Variants in COX7A2 observed in about 807,000 individuals in gnomAD.
COX7A2 encodes cytochrome c oxidase subunit 7A2.
COX7A2 carries 11 observed loss-of-function variants against 11.6 expected under a neutral mutation model. The ratio of observed to expected loss-of-function variants is 0.95; its 90% CI spans 0.60 to 1.57. The LOEUF (loss-of-function observed/expected upper bound fraction) is 1.57. Among genes scored for constraint, COX7A2 ranks in the 40% most tolerant of loss-of-function variants. COX7A2 has a pLI of 0.00. For synonymous variants in COX7A2, 30 were observed against 38.2 expected, an observed-to-expected ratio of 0.78 and a Z score of 0.79; for missense variants, 106 against 100.9, an observed-to-expected ratio of 1.05 and a Z score of -0.22.
upstream of COX7A2, chr6:75,244,133 A>G: frequency 8.2e-6 from 2 of 244,600 alleles, no homozygotes; most frequent in South Asian, 1.0e-4. Context: ...GGCAACCTTG[A>G]AGCCGCTAGA....
upstream of COX7A2, chr6:75,243,869 C>T: frequency 6.3e-7 from 1 of 1,580,808 alleles, no homozygotes; most frequent in Non-Finnish European, 8.7e-7. Context: ...GAGAGGCTTG[C>T]GCTCCTAACC....
At chr6:75,240,956 C>G (rs1771483854) in intron 2 of COX7A2, 1 of 395,220 alleles carries the variant, frequency 2.5e-6, no homozygotes, top group African/African-American at 2.0e-5. Context: ...AAACAAAAAT[C>G]ACTCATAATC....
chr6:75,240,425 C>A (rs1461805835), intron 2 of COX7A2, 40 bp from the exon 3 acceptor site: 3 of 1,371,882 alleles, frequency 2.2e-6, no homozygotes, highest in Non-Finnish European at 3.0e-6. Context: ...TAATAAATGT[C>A]TCACTCATTT....
At chr6:75,243,807 T>C (rs767091024), upstream of COX7A2, 1 of 1,614,072 alleles carries the variant, frequency 6.2e-7, no homozygotes, top group South Asian at 1.1e-5. Flanking sequence ...GAACCGGAAC[T>C]ACCTCCGAGT....
At chr6:75,249,944 T>C (rs748804130) in intron 1 of COX7A2, 17 of 152,098 alleles carry the variant, frequency 1.1e-4, no homozygotes, top group Non-Finnish European at 1.9e-4. Context: ...AAGAGAGATG[T>C]AGATAAGGGG....
intron 2 of COX7A2, 124 bp downstream of exon 2, chr6:75,241,052 G>T: frequency 7.7e-7 from 1 of 1,293,664 alleles, no homozygotes; most frequent in Non-Finnish European, 1.0e-6. Context: ...ACATGTCCTT[G>T]ACTTTTTTTG....
At chr6:75,244,392 G>A (rs1254913886), upstream of COX7A2, among the ~76,000 whole-genome samples, 4 of 152,162 alleles carry the variant, frequency 2.6e-5, no homozygotes, top group African/African-American at 2.4e-5. Context: ...CCCAAATTGT[G>A]GAAGAGGCTC....
At chr6:75,238,111 G>C (rs1771371037) in intron 3 of COX7A2, 123 bp from the exon 4 acceptor site, 3 of 491,068 alleles carry the variant, frequency 6.1e-6, no homozygotes, top group Middle Eastern at 4.3e-4. Flanking sequence ...ACACAAAAAA[G>C]TATTTTGATA....
chr6:75,238,973 C>G (rs1771407504), intron 3 of COX7A2, among the ~76,000 whole-genome samples: 1 of 151,946 alleles, frequency 6.6e-6, no homozygotes, highest in Non-Finnish European at 1.5e-5. Context: ...TGCCATCACA[C>G]CCGACTCATT....
chr6:75,239,466 G>A (rs1267510294), intron 3 of COX7A2, among the ~76,000 whole-genome samples: 1 of 152,198 alleles, frequency 6.6e-6, no homozygotes, highest in Non-Finnish European at 1.5e-5. Flanking sequence ...ACATATTATA[G>A]ACTTCATGCA....
At chr6:75,246,559 A>G (rs1771685785), upstream of COX7A2, among the ~76,000 whole-genome samples, 1 of 152,194 alleles carries the variant, frequency 6.6e-6, no homozygotes, top group Non-Finnish European at 1.5e-5. Context: ...GCTGGATCAT[A>G]TGACTCTGCT....
In COX7A2 at chr6:75,243,797, G is replaced by T; in HGVS notation, c.-63C>A. The T allele has an allele frequency of 6.2e-7, 1 of 1,614,086 alleles. No homozygotes were observed. The highest frequency in any genetic ancestry group is 8.5e-7 in the Non-Finnish European group (1 of 1,179,980). On this transcript the variant is annotated 5_prime_UTR_variant, in exon 1 of 4. Transcript: ENST00000684430. ...ACCACCAACGAAAATGGCCACGCCGGAACCGGAACTACCTCCGAGTCTTGC... is the reference window on the plus strand; with the variant it reads ...ACCACCAACGAAAATGGCCACGCCGTAACCGGAACTACCTCCGAGTCTTGC...
upstream of COX7A2, among the ~76,000 whole-genome samples, chr6:75,244,581 T>TA (rs1385829816): frequency 6.6e-6 from 1 of 152,184 alleles, no homozygotes; most frequent in Non-Finnish European, 1.5e-5. Flanking sequence ...TAATCCCCAT[T>TA]ACAAGTGTTT....
chr6:75,247,358 T>C (rs1771702056), upstream of COX7A2, among the ~76,000 whole-genome samples: 1 of 152,198 alleles, frequency 6.6e-6, no homozygotes, highest in South Asian at 2.1e-4. Context: ...CACACATCTG[T>C]TAATTCTAGA....
intron 3 of COX7A2, among the ~76,000 whole-genome samples, chr6:75,239,835 C>T (rs1334246166): frequency 1.3e-5 from 2 of 152,236 alleles, no homozygotes; most frequent in Non-Finnish European, 2.9e-5. Flanking sequence ...GGCGCAGTGG[C>T]TCATGCCTGT....
intron 2 of COX7A2, chr6:75,240,805 A>G (rs192588065): frequency 3.6e-4 from 70 of 191,938 alleles, no homozygotes; most frequent in Non-Finnish European, 6.7e-4. Context: ...ATAACCCTAA[A>G]TTATATCCCT....
intron 3 of COX7A2, among the ~76,000 whole-genome samples, chr6:75,238,362 TA>T (rs199577413): frequency 1.0e-4 from 15 of 150,440 alleles, no homozygotes; most frequent in African/African-American, 3.4e-4. Flanking sequence ...AAAGTGAATG[TA>T]AAAAAAAAGA....
At position 75,237,963 on chromosome 6, in the gene COX7A2, C is replaced by G. The variant is rs1282456885; in HGVS notation, c.219G>C (p.Leu73=). 6.2e-7 allele frequency: 1 copy of G among 1,605,402 alleles called. No homozygotes were observed. The highest frequency in any genetic ancestry group is 1.1e-5 in the South Asian group (1 of 90,122). ...GCTTCTTGGGAAATGAAGCCACAGCCAGCTCATATATGGCATATGCTGTTC... is the reference window on the plus strand; with the variant it reads ...GCTTCTTGGGAAATGAAGCCACAGCGAGCTCATATATGGCATATGCTGTTC... ...VGGTAYAIYE[L]AVASFPKKQE is the part of the protein sequence containing the mutation. The change falls in exon 4 of 4, where the codon CTG becomes CTC. Residue 73 remains leucine (L), a synonymous_variant. Transcript: ENST00000684430.
At position 75,241,176 on chromosome 6, in the gene COX7A2, C is replaced by G; in HGVS notation, c.108G>C (p.Gln36His). 6.3e-7 allele frequency: 1 copy of G among 1,598,532 alleles called. No individual in the cohort carries two copies. Among genetic ancestry groups the G allele is most frequent in the South Asian group, 1.1e-5 (1 of 89,464 alleles). Residue 36 changes from glutamine to histidine, a missense_variant and splice_region_variant, in exon 2 of 4, where the codon CAG (glutamine) becomes CAC (histidine). Gln to His is a conservative substitution (Grantham distance 24). Coordinates refer to ENST00000684430, the MANE Select transcript of COX7A2 (RefSeq NM_001366293.2). ...NKVPEKQKLF[Q>H]EDDEIPLYLK... ...CATCTCCTATAAAATACTTCAGTACCTGGAACAGTTTTTGCTTCTCCGGAA... is the reference window on the plus strand; with the variant it reads ...CATCTCCTATAAAATACTTCAGTACGTGGAACAGTTTTTGCTTCTCCGGAA...
Sources: gnomAD v4.1 joint callset for allele counts (sites outside exome capture counted in the v4.1 genomes callset) on GRCh38, gnomAD v4.1.1 for gene constraint, MANE v1.5 for transcripts, NCBI Gene and HGNC (gene_info 2026-07-23, HGNC 2026-07-21) for gene names.